Variants in C8A observed in about 807,000 individuals in gnomAD.
C8A encodes complement C8 alpha chain.
A neutral mutation model predicts 65.3 loss-of-function variants in C8A; 67 were observed. The observed-to-expected ratio is 1.03, with a 90% CI of 0.84 to 1.26. C8A has a LOEUF of 1.26. Among genes scored for constraint, C8A ranks in the 50% most tolerant of loss-of-function variants. The pLI is 0.00. For synonymous variants in C8A, 290 were observed against 259.4 expected, an observed-to-expected ratio of 1.12 and a Z score of -1.13; for missense variants, 781 against 723.9, an observed-to-expected ratio of 1.08 and a Z score of -0.90.
rs142212598 is a variant in C8A at position 56,905,638 on chromosome 1, C to T, written c.1097-1029C>T. 8.0e-4 allele frequency among the ~76,000 whole-genome samples: 122 copies of T among 152,288 alleles called. 2 individuals carry two copies. In the East Asian group the frequency reaches 0.019, roughly 24 times the overall value. On this transcript the variant is annotated intron_variant, in intron 7 of 10. Transcript: ENST00000361249. ...CTCCCTTGAAAATAGTGAATCTAAT[C>T]TTTAGCTCAACTGAATGACAGGTCT...
chr1:56,875,535 C>T (rs1570323358), intron 3 of C8A, among the ~76,000 whole-genome samples: 1 of 152,108 alleles, frequency 6.6e-6, no homozygotes, highest in Middle Eastern at 3.4e-3. Context: ...CAGGAGGTTC[C>T]CAAATCTGCT....
rs543550874 is a variant in C8A, at chr1:56,864,919, A to T, written c.78-2690A>T. ...TTTTACTGTGTTTACAGTCGCACTG[A>T]TGGTACAGAGGCACCAATGGATAAA... On this transcript the variant is annotated intron_variant, in intron 1 of 10. Transcript: ENST00000361249. Among the ~76,000 whole-genome samples the T allele has an allele frequency of 3.9e-5, 6 of 152,308 alleles. No homozygotes were observed. The East Asian group carries it at 9.7e-4, about 25-fold the overall frequency.
chr1:56,861,547 C>T (rs372166644), intron 1 of C8A, among the ~76,000 whole-genome samples: 250 of 152,264 alleles, frequency 1.6e-3, no homozygotes, highest in African/African-American at 5.7e-3. Context: ...CCAACACTGC[C>T]ACATCGGGAA....
At chr1:56,876,417 T>G (rs1644199517) in intron 4 of C8A, among the ~76,000 whole-genome samples, 1 of 151,472 alleles carries the variant, frequency 6.6e-6, no homozygotes, top group African/African-American at 2.4e-5. Context: ...GCTTGAGAGT[T>G]CTCCTCTCTT....
At chr1:56,907,891 G>A (rs1644478094) in intron 8 of C8A, 65 bp from the exon 9 acceptor site, 1 of 1,570,358 alleles carries the variant, frequency 6.4e-7, no homozygotes. Flanking sequence ...CATTAGTGGG[G>A]TTTGTCAACC....
At chr1:56,885,395 A>AATATATATTTAC (rs1644287537) in intron 6 of C8A, among the ~76,000 whole-genome samples, 1 of 111,324 alleles carries the variant, frequency 9.0e-6, no homozygotes, top group African/African-American at 4.4e-5. Flanking sequence ...TATATATTTA[A>AATATATATTTAC]ATAAATATAT....
chr1:56,885,499 C>CGTAAATAT (rs1557706002), intron 6 of C8A, among the ~76,000 whole-genome samples: 2 of 96,516 alleles, frequency 2.1e-5, no homozygotes, highest in South Asian at 6.5e-4. Context: ...TACGTAAATA[C>CGTAAATAT]ATATATATAT....
chr1:56,871,215 A>G (rs747516557), intron 2 of C8A, among the ~76,000 whole-genome samples: 40 of 152,206 alleles, frequency 2.6e-4, no homozygotes, highest in Non-Finnish European at 5.0e-4. Context: ...TTCACAGCCA[A>G]CTGTAAATGA....
Position 56,885,908 on chromosome 1 carries a change from C to T in C8A, c.856-19C>T, listed in dbSNP as rs140619602. On this transcript the variant is annotated intron_variant, in intron 6 of 10. Coordinates refer to ENST00000361249, the MANE Select transcript of C8A (RefSeq NM_000562.3). ...GCTCTCTTTGTTCTTTTGCTTTATT[C>T]AATGGCGGTTGCTGGCAGAAATTCA... is the stretch of plus-strand genomic sequence containing the variant. 1,417 of 1,613,624 alleles carry T rather than the reference C, an allele frequency of 8.8e-4. 11 individuals carry two copies. The African/African-American group carries it at 0.017, about 19-fold the overall frequency.
At chr1:56,885,851 C>A in intron 6 of C8A, 76 bp from the exon 7 acceptor site, 4 of 1,601,226 alleles carry the variant, frequency 2.5e-6, no homozygotes, top group Admixed American at 1.7e-5. Context: ...CACCCAGAGA[C>A]CTTTTGCATT....
intron 7 of C8A, among the ~76,000 whole-genome samples, chr1:56,888,038 G>A (rs950800396): frequency 5.3e-5 from 8 of 152,110 alleles, no homozygotes; most frequent in Admixed American, 2.0e-4. Flanking sequence ...TGTAGATGAC[G>A]GGTTGATGGA....
At chr1:56,878,263 C>A (rs1487879174) in intron 4 of C8A, among the ~76,000 whole-genome samples, 1 of 152,156 alleles carries the variant, frequency 6.6e-6, no homozygotes, top group Non-Finnish European at 1.5e-5. Context: ...CAAATATACT[C>A]ACACTCTGAG....
chr1:56,884,993 G>A lies in C8A; in HGVS notation c.856-934G>A, dbSNP rs551038648. Among the ~76,000 whole-genome samples, 6 of 152,118 alleles carry A rather than the reference G, an allele frequency of 3.9e-5. No homozygotes were observed. The South Asian group carries it at 1.2e-3, about 32-fold the overall frequency. On this transcript the variant is annotated intron_variant, in intron 6 of 10. Coordinates refer to ENST00000361249, the MANE Select transcript of C8A (RefSeq NM_000562.3). Reference sequence around the variant, plus strand: ...AGTTTTTAATGGATATGTAATATTAGCATAGGAGGTTTCACAATGCAGTGC... The same window carrying A: ...AGTTTTTAATGGATATGTAATATTAACATAGGAGGTTTCACAATGCAGTGC...
intron 4 of C8A, among the ~76,000 whole-genome samples, chr1:56,880,130 T>C (rs183906940): frequency 1.0e-3 from 156 of 152,280 alleles, no homozygotes; most frequent in Middle Eastern, 3.4e-3. Context: ...GAGGCTTTGA[T>C]TGTCAGGTCT....
At chr1:56,876,255 C>G (rs763062181) in intron 4 of C8A, 46 bp downstream of exon 4, 1 of 1,611,380 alleles carries the variant, frequency 6.2e-7, no homozygotes, top group East Asian at 2.2e-5. Context: ...AATGATTTGT[C>G]TTCAATCGTG....
chr1:56,899,597 T>C (rs1282180648), intron 7 of C8A, among the ~76,000 whole-genome samples: 1 of 152,190 alleles, frequency 6.6e-6, no homozygotes, highest in Non-Finnish European at 1.5e-5. Context: ...CCCCACTCGC[T>C]CCTGGGCTAA....
In C8A at chr1:56,876,098, A is replaced by G. The variant is rs758800749; in HGVS notation, c.353A>G (p.Asp118Gly). 30 of 1,613,746 alleles carry G rather than the reference A, an allele frequency of 1.9e-5. No homozygotes were observed. In the Admixed American group the frequency reaches 5.0e-4, roughly 27 times the overall value. The change falls in exon 4 of 11, where the codon GAC becomes GGC. Residue 118 changes from aspartate to glycine, a missense_variant. Physicochemically the swap from Asp to Gly is moderately conservative, Grantham distance 94. Transcript: ENST00000361249. ...AAACGCCACCTTGTGTGTAATGGAGACCAGGACTGCCTTGATGGCTCTGAT... is the reference window on the plus strand; with the variant it reads ...AAACGCCACCTTGTGTGTAATGGAGGCCAGGACTGCCTTGATGGCTCTGAT... ...CLKRHLVCNG[D>G]QDCLDGSDED...
At position 56,890,092 on chromosome 1, in the gene C8A, T is replaced by G. The variant is rs758495098; in HGVS notation, c.1096+3925T>G. 5.9e-5 allele frequency among the ~76,000 whole-genome samples: 9 copies of G among 152,192 alleles called. 1 individual carries two copies. The highest frequency in any genetic ancestry group is 1.2e-4 in the Non-Finnish European group (8 of 68,030). ...ATAATGTATTTCGCATTCTGACTTC[T>G]CTGGTTACAAAGCTGCCAATATATG... On this transcript the variant is annotated intron_variant, in intron 7 of 10. Coordinates refer to ENST00000361249, the MANE Select transcript of C8A (RefSeq NM_000562.3).
intron 1 of C8A, among the ~76,000 whole-genome samples, chr1:56,858,596 A>T (rs1173516052): frequency 6.6e-6 from 1 of 152,240 alleles, no homozygotes; most frequent in East Asian, 1.9e-4. Context: ...TATTGCTTTT[A>T]TGGACATCAG....
Sources: gnomAD v4.1 joint callset for allele counts (sites outside exome capture counted in the v4.1 genomes callset) on GRCh38, gnomAD v4.1.1 for gene constraint, MANE v1.5 for transcripts, NCBI Gene and HGNC (gene_info 2026-07-23, HGNC 2026-07-21) for gene names.